Variants in ABCB5 observed in about 807,000 individuals in gnomAD.
ABCB5 encodes the protein ATP binding cassette subfamily B member 5.
Under a neutral mutation model 144.2 loss-of-function variants are expected in ABCB5, and 155 were observed. That is an observed-to-expected ratio of 1.08 (90% CI 0.94 to 1.23). The LOEUF (loss-of-function observed/expected upper bound fraction) is 1.23. Ranked by LOEUF, ABCB5 falls within the 50% of genes most tolerant of loss-of-function variation. ABCB5 has a pLI of 0.00. For synonymous variants in ABCB5, 610 were observed against 528.6 expected (o/e 1.15, Z -2.11); for missense variants, 1,830 against 1,520.8 (o/e 1.20, Z -3.38).
At chr7:20,691,223 T>G (rs1373710293) in intron 16 of ABCB5, among the ~76,000 whole-genome samples, 1 of 124,930 alleles carries the variant, frequency 8.0e-6, no homozygotes, top group Non-Finnish European at 1.6e-5. Context: ...TCACTCTTGT[T>G]GCTCAGGCTA....
chr7:20,711,224 C>G (rs1360855615), intron 20 of ABCB5, among the ~76,000 whole-genome samples: 1 of 149,344 alleles, frequency 6.7e-6, no homozygotes, highest in Non-Finnish European at 1.5e-5. Context: ...TGTATTTACT[C>G]ACGTAGCTAA....
In ABCB5 at chr7:20,756,289, G is replaced by A. The variant is rs1783084818; in HGVS notation, c.*665G>A. 6.6e-6 allele frequency: 1 copy of A among 152,298 alleles called. No individual in the cohort carries two copies. Among genetic ancestry groups the A allele is most frequent in the African/African-American group, 2.4e-5 (1 of 41,410 alleles). 9.4% of individuals were successfully genotyped at this position (152,298 alleles called of 1,614,324 possible). A position where few individuals can be genotyped will look rare whatever the true frequency, so the allele number is the denominator to read the frequency against. ...CCAAAGATTCATTATTCCAAACCTT[G>A]GGTTTGGCAGTATAAGTCACAGGCC... On this transcript the variant is annotated 3_prime_UTR_variant, in exon 28 of 28. Coordinates refer to ENST00000404938, the MANE Select transcript of ABCB5 (RefSeq NM_001163941.2).
intron 1 of ABCB5, among the ~76,000 whole-genome samples, chr7:20,621,940 T>C (rs1283680748): frequency 6.6e-6 from 1 of 151,510 alleles, no homozygotes; most frequent in Non-Finnish European, 1.5e-5. Flanking sequence ...TTAAAAAGAG[T>C]GTTTATTTGG....
chr7:20,732,768 A>G (rs1405209437), intron 23 of ABCB5, among the ~76,000 whole-genome samples: 2 of 152,154 alleles, frequency 1.3e-5, no homozygotes, highest in Admixed American at 1.3e-4. Context: ...TGGAATTGAG[A>G]ATTTACCTGT....
chr7:20,645,498 A>C (rs3922365), intron 7 of ABCB5, among the ~76,000 whole-genome samples: 1 of 152,210 alleles, frequency 6.6e-6, no homozygotes, highest in Non-Finnish European at 1.5e-5. Flanking sequence ...TTGTAAAAGG[A>C]TTATTAAATG....
chr7:20,658,516 C>T lies in ABCB5; in HGVS notation c.1547C>T (p.Thr516Ile), dbSNP rs1784886240. ...FIMEFPNKFN[T>I]LVGEKGAQMS... Reference sequence around the variant, plus strand: ...CCTATTTTTCATTAGAAATTTAATACATTGGTAGGGGAAAAAGGAGCTCAA... The same window carrying T: ...CCTATTTTTCATTAGAAATTTAATATATTGGTAGGGGAAAAAGGAGCTCAA... Residue 516 changes from threonine to isoleucine, a missense_variant, in exon 14 of 28, where the codon ACA becomes ATA. Transcript: ENST00000404938. 8 of 1,613,102 alleles carry T rather than the reference C, an allele frequency of 5.0e-6. No homozygotes were observed. The highest frequency in any genetic ancestry group is 4.5e-5 in the East Asian group (2 of 44,882).
In ABCB5 at chr7:20,651,457, T is replaced by C. The variant is rs775216967; in HGVS notation, c.1370T>C (p.Val457Ala). 5 of 1,614,112 alleles carry C rather than the reference T, an allele frequency of 3.1e-6. No homozygotes were observed. Among genetic ancestry groups the C allele is most frequent in the South Asian group, 2.2e-5 (2 of 91,084 alleles). The change falls in exon 13 of 28, where the codon GTG becomes GCG. Residue 457 changes from valine to alanine, a missense_variant. Transcript: ENST00000404938. ...VDENDIRALNVRHYRDHIGVV... is the reference protein window; with the variant it reads ...VDENDIRALNARHYRDHIGVV... ...GAGAATGACATCAGAGCTTTAAATG[T>C]GCGGCATTATCGAGACCATATTGGA...
At chr7:20,748,678 A>G (rs993372457) in intron 26 of ABCB5, among the ~76,000 whole-genome samples, 8 of 134,344 alleles carry the variant, frequency 6.0e-5, no homozygotes, top group South Asian at 2.5e-4. Context: ...AAAAAAAAAA[A>G]GGGAATTAAT....
At chr7:20,680,994 CTTTCTTTCTTTCTTTCTT>C (rs1785779657) in intron 14 of ABCB5, among the ~76,000 whole-genome samples, 2 of 15,982 alleles carry the variant, frequency 1.3e-4, no homozygotes, top group African/African-American at 7.3e-4. Flanking sequence ...TTCTTTCTTT[CTTTCTTTCTTTCTTTCTT>C]TCTTTCTTTC....
intron 26 of ABCB5, among the ~76,000 whole-genome samples, chr7:20,749,766 G>A (rs979498771): frequency 6.6e-6 from 1 of 151,988 alleles, no homozygotes; most frequent in Middle Eastern, 3.2e-3. Flanking sequence ...CTGGCTGGGG[G>A]TTCAGAGGAG....
Position 20,652,069 on chromosome 7 carries a change from A to G in ABCB5, c.1536+446A>G, listed in dbSNP as rs1290102796. Among the ~76,000 whole-genome samples the G allele has an allele frequency of 3.3e-5, 5 of 152,222 alleles. No homozygotes were observed. The East Asian group carries it at 9.6e-4, about 29-fold the overall frequency. ...CTGCAATTGAAAAAGAAAAAAATGA[A>G]AGATATGTTAAAGCATAACAAAGAA... On this transcript the variant is annotated intron_variant, in intron 13 of 27. Transcript: ENST00000404938.
chr7:20,691,168 CTTT>C (rs58696871), intron 16 of ABCB5, among the ~76,000 whole-genome samples: 663 of 46,124 alleles, frequency 0.014, 42 homozygotes, highest in African/African-American at 0.042. Flanking sequence ...ACCCAGTGGA[CTTT>C]TTTTTTTTTT....
At chr7:20,649,951 T>C (rs1191627792) in intron 11 of ABCB5, 71 bp from the exon 12 acceptor site, 14 of 1,490,764 alleles carry the variant, frequency 9.4e-6, no homozygotes, top group Non-Finnish European at 1.1e-5. Flanking sequence ...AATTATGTAC[T>C]CATTTTCTGA....
chr7:20,626,157 G>T (rs920541563), intron 2 of ABCB5, among the ~76,000 whole-genome samples: 1 of 152,208 alleles, frequency 6.6e-6, no homozygotes, highest in Admixed American at 6.5e-5. Context: ...GGGGCTGGGA[G>T]ATGGGGACAA....
intron 23 of ABCB5, among the ~76,000 whole-genome samples, chr7:20,733,358 G>C (rs1308282453): frequency 6.6e-6 from 1 of 152,078 alleles, no homozygotes; most frequent in African/African-American, 2.4e-5. Context: ...CTATTTTATA[G>C]CCCTAAAATA....
At chr7:20,676,258 A>G (rs1785603582) in intron 14 of ABCB5, among the ~76,000 whole-genome samples, 1 of 150,174 alleles carries the variant, frequency 6.7e-6, no homozygotes, top group African/African-American at 2.4e-5. Flanking sequence ...TATATATTCA[A>G]AAGAACTGAA....
intron 4 of ABCB5, among the ~76,000 whole-genome samples, chr7:20,630,641 C>T (rs1218644105): frequency 6.6e-6 from 1 of 152,026 alleles, no homozygotes; most frequent in Non-Finnish European, 1.5e-5. Flanking sequence ...ACAAATGGAG[C>T]CAATTCACTG....
chr7:20,720,915 G>A (rs1418565059), intron 20 of ABCB5, among the ~76,000 whole-genome samples: 1 of 124,814 alleles, frequency 8.0e-6, no homozygotes, highest in African/African-American at 3.1e-5. Flanking sequence ...CTGCACTCCA[G>A]CCTGGGCGAC....
intron 14 of ABCB5, among the ~76,000 whole-genome samples, chr7:20,674,875 T>G (rs891672959): frequency 6.6e-6 from 1 of 151,676 alleles, no homozygotes; most frequent in African/African-American, 2.4e-5. Context: ...ACAACAAATC[T>G]TCTGAAAAAA....
Sources: gnomAD v4.1 joint callset for allele counts (sites outside exome capture counted in the v4.1 genomes callset) on GRCh38, gnomAD v4.1.1 for gene constraint, MANE v1.5 for transcripts, NCBI Gene and HGNC (gene_info 2026-07-23, HGNC 2026-07-21) for gene names.